The following PRIM2 variants were observed in gnomAD, a reference collection of about 807,000 sequenced individuals.
PRIM2 encodes the protein DNA primase subunit 2, also known as DNA primase large subunit.
PRIM2 carries 39 observed loss-of-function variants against 67.3 expected under a neutral mutation model. The ratio of observed to expected loss-of-function variants is 0.58; its 90% CI spans 0.45 to 0.76. PRIM2 has a LOEUF of 0.76. Among genes scored for constraint, PRIM2 ranks in the 30% least tolerant of loss-of-function variants. The pLI is 0.00. For synonymous variants in PRIM2, 143 were observed against 198.7 expected, an observed-to-expected ratio of 0.72 and a Z score of 2.36; for missense variants, 398 against 598.7, an observed-to-expected ratio of 0.66 and a Z score of 3.50.
At chr6:57,311,285 G>T (rs1409885224), upstream of PRIM2, among the ~76,000 whole-genome samples, 193 of 115,134 alleles carry the variant, frequency 1.7e-3, no homozygotes, top group East Asian at 5.1e-3. Context: ...AGACGGGGCG[G>T]CCGGGCAGAG....
At chr6:57,271,743 C>T in the PRIM2 span, among the ~76,000 whole-genome samples, 1 of 152,112 alleles carries the variant, frequency 6.6e-6, no homozygotes, top group Non-Finnish European at 1.5e-5. Flanking sequence ...TAGATCTTTC[C>T]TGCTTTCTCT....
At chr6:57,310,753 G>C (rs1424469276), upstream of PRIM2, among the ~76,000 whole-genome samples, 4 of 148,972 alleles carry the variant, frequency 2.7e-5, no homozygotes, top group East Asian at 8.1e-4. Flanking sequence ...GGGGTGGCCA[G>C]GCAGAGGCGC....
chr6:57,415,339 A>G (rs560689689), intron 7 of PRIM2, among the ~76,000 whole-genome samples: 1 of 152,370 alleles, frequency 6.6e-6, no homozygotes, highest in African/African-American at 2.4e-5. Context: ...TGAATATTGC[A>G]ATAAGGCATG....
At position 57,518,781 on chromosome 6, in the gene PRIM2, G is replaced by A. The variant is rs1554348544; in HGVS notation, c.761+11327G>A. Among the ~76,000 whole-genome samples, 22 of 152,308 alleles carry A rather than the reference G, an allele frequency of 1.4e-4. 1 individual carries two copies. Among genetic ancestry groups the A allele is most frequent in the Non-Finnish European group, 1.9e-4 (13 of 68,034 alleles). On this transcript the variant is annotated intron_variant, in intron 8 of 13. Coordinates refer to ENST00000615550, the MANE Select transcript of PRIM2 (RefSeq NM_000947.5). ...TTTTTATCTTTTGTTTTGGGACATA[G>A]GACTCTTCTTTATGCAATCAGGAAC...
intron 6 of PRIM2, among the ~76,000 whole-genome samples, chr6:57,380,948 GC>G (rs1398417576): frequency 6.7e-6 from 1 of 150,038 alleles, no homozygotes; most frequent in Non-Finnish European, 1.5e-5. Flanking sequence ...TACAGATCTG[GC>G]TGCTGAGATT....
chr6:57,380,297 A>G (rs1032107033), intron 6 of PRIM2, among the ~76,000 whole-genome samples: 11 of 152,162 alleles, frequency 7.2e-5, no homozygotes, highest in African/African-American at 2.2e-4. Context: ...ATCCCCTGCC[A>G]GGAAACCCTC....
At chr6:57,478,419 C>T (rs1453028181) in intron 7 of PRIM2, among the ~76,000 whole-genome samples, 72 of 150,982 alleles carry the variant, frequency 4.8e-4, no homozygotes, top group African/African-American at 1.7e-3. Context: ...TAGCTCACTG[C>T]AGCCTCGAAC....
At chr6:57,287,819 A>G in the PRIM2 span, among the ~76,000 whole-genome samples, 1 of 152,210 alleles carries the variant, frequency 6.6e-6, no homozygotes, top group African/African-American at 2.4e-5. Context: ...AAGATGGCTA[A>G]ATAGGAACAG....
intron 7 of PRIM2, among the ~76,000 whole-genome samples, chr6:57,426,261 A>T (rs1371439325): frequency 1.3e-5 from 2 of 152,206 alleles, no homozygotes; most frequent in Non-Finnish European, 2.9e-5. Context: ...TCTCCGTCCC[A>T]AGCAACCACT....
chr6:57,490,454 C>T (rs1172239947), intron 7 of PRIM2, among the ~76,000 whole-genome samples: 3 of 152,220 alleles, frequency 2.0e-5, no homozygotes, highest in East Asian at 3.9e-4. Context: ...ATGGAGAATA[C>T]AGCCACTATT....
chr6:57,520,099 G>T (rs1367140077), intron 8 of PRIM2, among the ~76,000 whole-genome samples: 2 of 152,162 alleles, frequency 1.3e-5, no homozygotes, highest in Non-Finnish European at 2.9e-5. Context: ...GGCGTATAAG[G>T]AAAGGATGTA....
the PRIM2 span, among the ~76,000 whole-genome samples, chr6:57,225,917 GA>G: frequency 5.3e-5 from 8 of 151,902 alleles, no homozygotes; most frequent in South Asian, 2.1e-4. Context: ...GATCATGCTG[GA>G]AAAAAAATTT....
At chr6:57,407,550 A>G (rs1208295538) in intron 7 of PRIM2, among the ~76,000 whole-genome samples, 4 of 152,088 alleles carry the variant, frequency 2.6e-5, no homozygotes, top group Non-Finnish European at 5.9e-5. Context: ...AGCAGCCTCC[A>G]CTGTTATTTT....
chr6:57,551,950 G>T (rs1775412924), intron 10 of PRIM2, among the ~76,000 whole-genome samples: 2 of 152,188 alleles, frequency 1.3e-5, no homozygotes, highest in South Asian at 4.1e-4. Flanking sequence ...TGAATAGCAG[G>T]TCTGAGTGTT....
intron 7 of PRIM2, among the ~76,000 whole-genome samples, chr6:57,425,262 G>C (rs1191584725): frequency 1.3e-5 from 2 of 152,056 alleles, no homozygotes; most frequent in African/African-American, 4.8e-5. Context: ...TTTTGAGAGG[G>C]AGTCTCGCTC....
intron 7 of PRIM2, among the ~76,000 whole-genome samples, chr6:57,476,544 A>T (rs1272479562): frequency 6.6e-6 from 1 of 152,168 alleles, no homozygotes; most frequent in East Asian, 1.9e-4. Flanking sequence ...TTTCCTATTT[A>T]TTAATGTTAT....
chr6:57,586,109 T>C (rs1249231511), intron 10 of PRIM2, among the ~76,000 whole-genome samples: 2 of 151,988 alleles, frequency 1.3e-5, no homozygotes, highest in African/African-American at 4.8e-5. Flanking sequence ...AGAGATAACT[T>C]TAAAAAAGGA....
intron 7 of PRIM2, among the ~76,000 whole-genome samples, chr6:57,393,052 A>G (rs1323210579): frequency 6.6e-6 from 1 of 151,590 alleles, no homozygotes; most frequent in African/African-American, 2.4e-5. Context: ...TTACCCACTC[A>G]TAGATTGATG....
intron 5 of PRIM2, among the ~76,000 whole-genome samples, chr6:57,342,973 G>C (rs1335128011): frequency 1.3e-5 from 2 of 151,978 alleles, no homozygotes; most frequent in African/African-American, 4.8e-5. Context: ...GTCATTCTTG[G>C]TTGGTAATTA....
Sources: allele counts gnomAD v4.1 joint callset (sites outside exome capture counted in the v4.1 genomes callset), GRCh38; gene constraint gnomAD v4.1.1; transcripts MANE v1.5; gene names NCBI Gene and HGNC (gene_info 2026-07-23, HGNC 2026-07-21).